C19orf53: variants seen among roughly 807,000 people sequenced by gnomAD.
The protein encoded by C19orf53 is chromosome 19 open reading frame 53, also known as leydig cell tumor 10 kDa protein homolog.
A neutral mutation model predicts 6.5 loss-of-function variants in C19orf53; 9 were observed. The observed-to-expected ratio is 1.38, with a 90% CI of 0.83 to 2.40. C19orf53 has a LOEUF of 2.40. Among genes scored for constraint, C19orf53 ranks in the 30% most tolerant of loss-of-function variants. The probability of loss-of-function intolerance (pLI) is 0.00; values close to 1 mark genes in which losing one functional copy is unlikely to be tolerated. For missense variants in C19orf53, 166 were observed against 129.7 expected, an observed-to-expected ratio of 1.28 and a Z score of -1.36; for synonymous variants, 68 against 52.5, an observed-to-expected ratio of 1.29 and a Z score of -1.27.
intron 2 of C19orf53, among the ~76,000 whole-genome samples, chr19:13,777,805 C>G (rs1422708547): frequency 6.6e-6 from 1 of 152,152 alleles, no homozygotes; most frequent in Non-Finnish European, 1.5e-5. Context: ...CAGACTGTTT[C>G]CCCATCCATA....
chr19:13,776,061 G>A (rs1252579621), intron 2 of C19orf53, among the ~76,000 whole-genome samples: 2 of 149,826 alleles, frequency 1.3e-5, no homozygotes, highest in South Asian at 2.1e-4. Flanking sequence ...GGGTTCAAGC[G>A]ATTTTCCTCC....
rs57201742 is a variant in C19orf53 at position 13,776,124 on chromosome 19, ATTTTTTT to A, written c.153+1438_153+1444del. 7.4e-3 allele frequency among the ~76,000 whole-genome samples: 629 copies of A among 84,924 alleles called. 8 individuals carry two copies. Among genetic ancestry groups the A allele is most frequent in the African/African-American group, 0.027 (587 of 21,712 alleles). The allele number at this position is 84,924 out of a possible 152,430, so 55.7% of individuals were successfully genotyped here. A position where few individuals can be genotyped will look rare whatever the true frequency, so the allele number is the denominator to read the frequency against. ...AGGCCTGCACCACCACACCGGGCTA[ATTTTTTT>A]TTTTTTTTTTTTTTTTTTTTGTAAT... On this transcript the variant is annotated intron_variant, in intron 2 of 2. Transcript: ENST00000588234.
intron 2 of C19orf53, among the ~76,000 whole-genome samples, chr19:13,777,647 CTCT>C (rs112500682): frequency 0.31 from 47,631 of 151,900 alleles, 7,971 homozygotes; most frequent in South Asian, 0.45. Context: ...CCCTTGCCCA[CTCT>C]TCAGATCCTC....
chr19:13,776,213 C>T (rs1974370394), intron 2 of C19orf53, among the ~76,000 whole-genome samples: 1 of 145,750 alleles, frequency 6.9e-6, no homozygotes, highest in African/African-American at 2.5e-5. Context: ...CTCCTGACCT[C>T]ATGATCTACC....
In C19orf53 at chr19:13,778,032, G is replaced by T. The variant is rs1300001433; in HGVS notation, c.154-20G>T. 2 of 1,598,024 alleles carry T rather than the reference G, an allele frequency of 1.3e-6. No individual in the cohort carries two copies. The highest frequency in any genetic ancestry group is 1.7e-6 in the Non-Finnish European group (2 of 1,170,632). On this transcript the variant is annotated intron_variant, in intron 2 of 2. Coordinates refer to ENST00000588234, the MANE Select transcript of C19orf53 (RefSeq NM_014047.3). ...CTCAGCCCCAGGTCACAATCTGACT[G>T]CCCCGTGCTTCTCCCTCAGAACCTA...
rs377346948 is a variant in C19orf53 at position 13,774,647 on chromosome 19, C to T, written c.98-5C>T. ...CCGGCCTCACGTGAGCACATCTTTCCCCAGGTCGTGTTATCGCTCCCAAGA... is the reference window on the plus strand; with the variant it reads ...CCGGCCTCACGTGAGCACATCTTTCTCCAGGTCGTGTTATCGCTCCCAAGA... On this transcript the variant is annotated splice_polypyrimidine_tract_variant and splice_region_variant and intron_variant, in intron 1 of 2. Coordinates refer to ENST00000588234, the MANE Select transcript of C19orf53 (RefSeq NM_014047.3). 1.4e-5 allele frequency: 22 copies of T among 1,611,096 alleles called. No individual in the cohort carries two copies. The highest frequency in any genetic ancestry group is 1.7e-5 in the Non-Finnish European group (20 of 1,177,546).
chr19:13,775,006 G>A (rs1209622092), intron 2 of C19orf53: 3 of 528,340 alleles, frequency 5.7e-6, no homozygotes, highest in East Asian at 5.8e-5. Flanking sequence ...GATCGGCAAA[G>A]GGCAAGGGAT....
rs145931729 is a variant in C19orf53 at position 13,774,760 on chromosome 19, A to T, written c.153+53A>T. On this transcript the variant is annotated intron_variant, in intron 2 of 2. Coordinates refer to ENST00000588234, the MANE Select transcript of C19orf53 (RefSeq NM_014047.3). The stretch of plus-strand genomic sequence containing the variant: ...GAGGGCGGCGAGTAGCGAGGGGTGG[A>T]ACCCGGAGGACGGCGAGGGGGGATG... The T allele has an allele frequency of 5.5e-4, 851 of 1,558,362 alleles. 9 individuals are homozygous for T. The East Asian group carries it at 0.017, about 32-fold the overall frequency.
Position 13,774,584 on chromosome 19 carries a change from G to T in C19orf53, c.97+10G>T, listed in dbSNP as rs552908705. On this transcript the variant is annotated intron_variant, in intron 1 of 2. Coordinates refer to ENST00000588234, the MANE Select transcript of C19orf53 (RefSeq NM_014047.3). ...GGCCCAAGAAAAGGCGGTAAGGAGC[G>T]GCCCGGGGACTTGGGGGCGAGGTGG... The T allele has an allele frequency of 1.2e-6, 2 of 1,614,054 alleles. No individual in the cohort carries two copies. The highest frequency in any genetic ancestry group is 2.2e-5 in the South Asian group (2 of 91,090).
At chr19:13,774,740 C>T (rs769206276) in intron 2 of C19orf53, 33 bp downstream of exon 2, 20 of 1,563,858 alleles carry the variant, frequency 1.3e-5, no homozygotes, top group Non-Finnish European at 8.7e-7. Context: ...GCCCGGAGGG[C>T]GGCGAGTAGC....
rs148804845 is a variant in C19orf53, at chr19:13,774,558, G to A, written c.81G>A (p.Arg27=). The stretch of plus-strand genomic sequence containing the variant: ...CAGCGGCAGCCTCTGAAAAGAATCG[G>A]GGCCCAAGAAAAGGCGGTAAGGAGC... ...KTAAAASEKN[R]GPRKGGRVIA... Residue 27 remains arginine (R), a synonymous_variant, in exon 1 of 3, where the codon CGG becomes CGA. Coordinates refer to ENST00000588234, the MANE Select transcript of C19orf53 (RefSeq NM_014047.3). The A allele has an allele frequency of 6.4e-5, 104 of 1,613,938 alleles. 1 individual carries two copies. In the African/African-American group the frequency reaches 1.3e-3, roughly 20 times the overall value.
intron 2 of C19orf53, among the ~76,000 whole-genome samples, chr19:13,776,359 C>T (rs1298971595): frequency 6.6e-6 from 1 of 151,890 alleles, no homozygotes; most frequent in Non-Finnish European, 1.5e-5. Context: ...ACATCATTTC[C>T]CACCGGGACC....
At position 13,774,861 on chromosome 19, in the gene C19orf53, G is replaced by A. The variant is rs750575780; in HGVS notation, c.153+154G>A. On this transcript the variant is annotated intron_variant, in intron 2 of 2. Coordinates refer to ENST00000588234, the MANE Select transcript of C19orf53 (RefSeq NM_014047.3). Reference sequence around the variant, plus strand: ...TAGGAGCGAGGGGATAGAGCCAGGGGCCGCGTTAGGAGCGAAGGATGGAGC... The same window carrying A: ...TAGGAGCGAGGGGATAGAGCCAGGGACCGCGTTAGGAGCGAAGGATGGAGC... The A allele has an allele frequency of 8.7e-6, 9 of 1,032,190 alleles. No homozygotes were observed. In the East Asian group the frequency reaches 2.3e-4, roughly 27 times the overall value. The allele number at this position is 1,032,190 out of a possible 1,614,324, so 63.9% of individuals were successfully genotyped here.
At chr19:13,774,951 G>C (rs890370867) in intron 2 of C19orf53, 8 of 574,894 alleles carry the variant, frequency 1.4e-5, no homozygotes, top group Non-Finnish European at 2.4e-5. Context: ...GACGTGCTAG[G>C]GACGAGAGAT....
intron 2 of C19orf53, chr19:13,775,384 A>T (rs1003655034): frequency 6.4e-6 from 1 of 155,122 alleles, no homozygotes; most frequent in Admixed American, 6.5e-5. Context: ...GACTTAGGCA[A>T]TCTTTCCGTC....
rs1389650256 is a variant in C19orf53, at chr19:13,774,651, G to A, written c.98-1G>A. 19 of 1,610,878 alleles carry A rather than the reference G, an allele frequency of 1.2e-5. No homozygotes were observed. Among genetic ancestry groups the A allele is most frequent in the Non-Finnish European group, 1.6e-5 (19 of 1,177,354 alleles). On this transcript the variant is annotated splice_acceptor_variant, in intron 1 of 2. Coordinates refer to ENST00000588234, the MANE Select transcript of C19orf53 (RefSeq NM_014047.3). LOFTEE classifies it high-confidence loss of function. The stretch of plus-strand genomic sequence containing the variant: ...CCTCACGTGAGCACATCTTTCCCCA[G>A]GTCGTGTTATCGCTCCCAAGAAGGC...
chr19:13,777,114 G>A (rs1974379291), intron 2 of C19orf53, among the ~76,000 whole-genome samples: 1 of 151,970 alleles, frequency 6.6e-6, no homozygotes, highest in Non-Finnish European at 1.5e-5. Flanking sequence ...ACCACACCTG[G>A]CTACTTTTTG....
At position 13,774,645 on chromosome 19, in the gene C19orf53, T is replaced by C. The variant is rs750102705; in HGVS notation, c.98-7T>C. 1 of 1,611,178 alleles carries C rather than the reference T, an allele frequency of 6.2e-7. No individual in the cohort carries two copies. Among genetic ancestry groups the C allele is most frequent in the African/African-American group, 1.3e-5 (1 of 74,850 alleles). On this transcript the variant is annotated splice_polypyrimidine_tract_variant and splice_region_variant and intron_variant, in intron 1 of 2. Transcript: ENST00000588234. ...TCCCGGCCTCACGTGAGCACATCTT[T>C]CCCCAGGTCGTGTTATCGCTCCCAA...
intron 2 of C19orf53, among the ~76,000 whole-genome samples, chr19:13,777,341 G>C (rs1974381574): frequency 6.6e-6 from 1 of 152,018 alleles, no homozygotes; most frequent in African/African-American, 2.4e-5. Context: ...GACCTCCTGG[G>C]CTCGACCACC....
Sources: gnomAD v4.1 joint callset for allele counts (sites outside exome capture counted in the v4.1 genomes callset) on GRCh38, gnomAD v4.1.1 for gene constraint, MANE v1.5 for transcripts, NCBI Gene and HGNC (gene_info 2026-07-23, HGNC 2026-07-21) for gene names.